The following SLC6A20 variants were observed in gnomAD, a reference collection of about 807,000 sequenced individuals.
The protein encoded by SLC6A20 is sodium- and chloride-dependent transporter XTRP3.
Under a neutral mutation model 64.3 loss-of-function variants are expected in SLC6A20, and 73 were observed. That is an observed-to-expected ratio of 1.14 (90% CI 0.94 to 1.38). The LOEUF (loss-of-function observed/expected upper bound fraction) is 1.38. Among genes scored for constraint, SLC6A20 ranks in the 40% most tolerant of loss-of-function variants. The pLI is 0.00. For missense variants in SLC6A20, 725 were observed against 772.8 expected (o/e 0.94, Z 0.73); for synonymous variants, 347 against 329.6 (o/e 1.05, Z -0.57).
rs1484706580 is a variant in SLC6A20 at position 45,758,498 on chromosome 3, T to A, written c.*480A>T. The A allele has an allele frequency of 2.5e-6, 3 of 1,208,214 alleles. No homozygotes were observed. The highest frequency in any genetic ancestry group is 3.3e-5 in the Admixed American group (1 of 29,888). 74.8% of individuals were successfully genotyped at this position (1,208,214 alleles called of 1,614,324 possible). A position where few individuals can be genotyped will look rare whatever the true frequency, so the allele number is the denominator to read the frequency against. ...GGGAACACAGAAATTGCATATTCAC[T>A]ACAACTCAAAAAAGAAGAGAATTAA... On this transcript the variant is annotated 3_prime_UTR_variant, in exon 11 of 11. Coordinates refer to ENST00000358525, the MANE Select transcript of SLC6A20 (RefSeq NM_020208.4).
intron 1 of SLC6A20, among the ~76,000 whole-genome samples, chr3:45,793,939 G>C (rs1340593641): frequency 1.3e-5 from 2 of 152,140 alleles, no homozygotes; most frequent in Admixed American, 6.5e-5. Flanking sequence ...TTTATTCTGT[G>C]GCTTTTCCTA....
chr3:45,770,705 C>T (rs374861674), intron 6 of SLC6A20, among the ~76,000 whole-genome samples: 1 of 152,192 alleles, frequency 6.6e-6, no homozygotes, highest in Admixed American at 6.5e-5. Flanking sequence ...TAATGGTGGA[C>T]ACTGAGCAAC....
Position 45,796,318 on chromosome 3 carries a change from C to G in SLC6A20, c.102G>C (p.Leu34=). Residue 34 remains leucine (L), a synonymous_variant, in exon 1 of 11, where the codon CTG becomes CTC. Coordinates refer to ENST00000358525, the MANE Select transcript of SLC6A20 (RefSeq NM_020208.4). ...GLGNVWRFPY[L]CQMYGGGSFL... ...ACTCACCTCCGCCGTACATCTGGCACAGGTACGGGAATCGCCACACGTTGC... is the reference window on the plus strand; with the variant it reads ...ACTCACCTCCGCCGTACATCTGGCAGAGGTACGGGAATCGCCACACGTTGC... The G allele has an allele frequency of 6.2e-7, 1 of 1,611,518 alleles. No individual in the cohort carries two copies. Among genetic ancestry groups the G allele is most frequent in the Non-Finnish European group, 8.5e-7 (1 of 1,179,056 alleles).
intron 9 of SLC6A20, 47 bp downstream of exon 9, chr3:45,762,866 T>C (rs756413620): frequency 5.6e-6 from 9 of 1,606,706 alleles, no homozygotes; most frequent in African/African-American, 1.3e-5. Flanking sequence ...GCGTGGCCTC[T>C]GTGGCTGTGT....
intron 8 of SLC6A20, among the ~76,000 whole-genome samples, 195 bp from the exon 9 acceptor site, chr3:45,763,267 G>T (rs980261951): frequency 6.6e-6 from 1 of 152,060 alleles, no homozygotes; most frequent in Non-Finnish European, 1.5e-5. Flanking sequence ...GGGCACAATG[G>T]TGTCCCGAAG....
intron 1 of SLC6A20, 21 bp from the exon 2 acceptor site, chr3:45,782,244 G>C (rs1218406232): frequency 1.2e-6 from 2 of 1,600,720 alleles, no homozygotes; most frequent in African/African-American, 1.3e-5. Flanking sequence ...CCAGAGCTGA[G>C]AGCCAGGCCA....
At position 45,796,281 on chromosome 3, in the gene SLC6A20, G is replaced by C; in HGVS notation, c.121+18C>G. 1 of 1,589,518 alleles carries C rather than the reference G, an allele frequency of 6.3e-7. No homozygotes were observed. Among genetic ancestry groups the C allele is most frequent in the Non-Finnish European group, 8.6e-7 (1 of 1,168,280 alleles). ...GCGCACAGAGTTGGGCTGGGGCCGG[G>C]GCGCGGTGGGCACTCACCTCCGCCG... On this transcript the variant is annotated intron_variant, in intron 1 of 10. Coordinates refer to ENST00000358525, the MANE Select transcript of SLC6A20 (RefSeq NM_020208.4).
chr3:45,788,543 C>T (rs1700203868), intron 1 of SLC6A20, among the ~76,000 whole-genome samples: 1 of 152,176 alleles, frequency 6.6e-6, no homozygotes, highest in South Asian at 2.1e-4. Context: ...ACATTTAATA[C>T]TTAGACATAT....
intron 8 of SLC6A20, among the ~76,000 whole-genome samples, chr3:45,764,248 AAAGAAAC>A (rs1699732630): frequency 6.6e-6 from 1 of 152,246 alleles, no homozygotes; most frequent in Non-Finnish European, 1.5e-5. Flanking sequence ...CAGAATGGAT[AAAGAAAC>A]TGTGGTATGT....
At position 45,762,807 on chromosome 3, in the gene SLC6A20, AAAG is replaced by A. The variant is rs755688644; in HGVS notation, c.1463+103_1463+105del. On this transcript the variant is annotated intron_variant, in intron 9 of 10. Coordinates refer to ENST00000358525, the MANE Select transcript of SLC6A20 (RefSeq NM_020208.4). ...AACGTTGAGTCATGATGCGAAGCTT[AAAG>A]AAGAGGTGAAGATGTGCATCAAGAA... The A allele has an allele frequency of 1.9e-5, 28 of 1,438,864 alleles. No homozygotes were observed. The Middle Eastern group carries it at 5.4e-4, about 28-fold the overall frequency. 89.1% of individuals were successfully genotyped at this position (1,438,864 alleles called of 1,614,324 possible).
At chr3:45,786,817 A>G (rs1207603940) in intron 1 of SLC6A20, among the ~76,000 whole-genome samples, 1 of 152,226 alleles carries the variant, frequency 6.6e-6, no homozygotes, top group Non-Finnish European at 1.5e-5. Flanking sequence ...TTATGAATAA[A>G]TAGGTAACTG....
intron 7 of SLC6A20, among the ~76,000 whole-genome samples, chr3:45,768,849 A>G (rs985633060): frequency 2.0e-5 from 3 of 152,242 alleles, no homozygotes; most frequent in African/African-American, 7.2e-5. Flanking sequence ...TATTTGCATT[A>G]AATATAAGAA....
At chr3:45,777,022 C>T (rs1241751980) in intron 3 of SLC6A20, among the ~76,000 whole-genome samples, 1 of 152,202 alleles carries the variant, frequency 6.6e-6, no homozygotes, top group African/African-American at 2.4e-5. Flanking sequence ...AAAGTTACTT[C>T]TGACTGTGGG....
intron 8 of SLC6A20, among the ~76,000 whole-genome samples, chr3:45,763,753 C>T (rs1464289298): frequency 6.6e-6 from 1 of 152,202 alleles, no homozygotes; most frequent in Non-Finnish European, 1.5e-5. Flanking sequence ...GCCTCCAGAA[C>T]CTGGGCCTTC....
chr3:45,758,877 T>C lies in SLC6A20; in HGVS notation c.*101A>G. The C allele has an allele frequency of 4.9e-6, 7 of 1,430,344 alleles. No individual in the cohort carries two copies. Among genetic ancestry groups the C allele is most frequent in the Non-Finnish European group, 6.4e-6 (7 of 1,089,464 alleles). The allele number at this position is 1,430,344 out of a possible 1,614,324, so 88.6% of individuals were successfully genotyped here. A position where few individuals can be genotyped will look rare whatever the true frequency, so the allele number is the denominator to read the frequency against. On this transcript the variant is annotated 3_prime_UTR_variant, in exon 11 of 11. Transcript: ENST00000358525. ...CTTCTTTAGACACTCAGGAAGTTGA[T>C]GGGCTGAGCACTCCTGGCTTAAGCA...
chr3:45,791,914 C>A (rs1313783041), intron 1 of SLC6A20, among the ~76,000 whole-genome samples: 3 of 152,174 alleles, frequency 2.0e-5, no homozygotes, highest in Admixed American at 6.5e-5. Flanking sequence ...GGGTGGGGAC[C>A]AAACTCATAT....
Position 45,758,987 on chromosome 3 carries a change from G to A in SLC6A20, c.1770C>T (p.Pro590=), listed in dbSNP as rs534402179. 1.2e-5 allele frequency: 20 copies of A among 1,605,916 alleles called. No homozygotes were observed. The highest frequency in any genetic ancestry group is 1.7e-4 in the Middle Eastern group (1 of 6,020). The change falls in exon 11 of 11, where the codon CCC becomes CCT. Residue 590 remains proline (P), a synonymous_variant. Transcript: ENST00000358525. ...CTGGGAAGCCCACATCTCAGGCCACGGGGTCTGCGTCTCCCCTCTTGAGGC... is the reference window on the plus strand; with the variant it reads ...CTGGGAAGCCCACATCTCAGGCCACAGGGTCTGCGTCTCCCCTCTTGAGGC... ...QRRLKRGDAD[P]VA is the part of the protein sequence containing the mutation.
At chr3:45,774,332 C>T (rs1699929258) in intron 4 of SLC6A20, among the ~76,000 whole-genome samples, 1 of 152,252 alleles carries the variant, frequency 6.6e-6, no homozygotes, top group Admixed American at 6.5e-5. Context: ...TCTCTAATCT[C>T]TACCTCTGCA....
chr3:45,762,442 C>T (rs1699700360), intron 9 of SLC6A20, among the ~76,000 whole-genome samples: 1 of 152,354 alleles, frequency 6.6e-6, no homozygotes, highest in South Asian at 2.1e-4. Flanking sequence ...CATTCCATCA[C>T]CTGGGGAGAA....
Sources: gnomAD v4.1 joint callset for allele counts (sites outside exome capture counted in the v4.1 genomes callset) on GRCh38, gnomAD v4.1.1 for gene constraint, MANE v1.5 for transcripts, NCBI Gene and HGNC (gene_info 2026-07-23, HGNC 2026-07-21) for gene names.